Variants in ANKRD30BL observed in about 807,000 individuals in gnomAD.
ANKRD30BL encodes ankyrin repeat domain 30B like, also known as putative ankyrin repeat domain-containing protein 30B-like.
In ANKRD30BL, 20 loss-of-function variants were observed where a neutral mutation model predicts 18.4. The observed-to-expected ratio is 1.09, with a 90% CI of 0.77 to 1.58. The LOEUF (loss-of-function observed/expected upper bound fraction) is 1.58. ANKRD30BL is among the 40% of genes most tolerant of loss of function. The pLI is 0.00. For synonymous variants in ANKRD30BL, 72 were observed against 100.9 expected, an observed-to-expected ratio of 0.71 and a Z score of 1.72; for missense variants, 224 against 268.6, an observed-to-expected ratio of 0.83 and a Z score of 1.16.
At chr2:132,160,585 C>T (rs1688029056) in intron 1 of ANKRD30BL, among the ~76,000 whole-genome samples, 1 of 151,546 alleles carries the variant, frequency 6.6e-6, no homozygotes, top group Non-Finnish European at 1.5e-5. Flanking sequence ...ACTACAGGCG[C>T]CCACCACCAC....
intron 1 of ANKRD30BL, among the ~76,000 whole-genome samples, chr2:132,220,328 C>G (rs1679639872): frequency 2.2e-5 from 2 of 91,066 alleles, no homozygotes; most frequent in South Asian, 5.9e-4. Flanking sequence ...CTCTCCCTGT[C>G]CCTCTCCCTC....
At chr2:132,188,626 C>T (rs1404590230) in intron 1 of ANKRD30BL, among the ~76,000 whole-genome samples, 2 of 152,068 alleles carry the variant, frequency 1.3e-5, no homozygotes, top group Admixed American at 6.6e-5. Flanking sequence ...AGGAGAATGG[C>T]GTGAACCCGG....
At chr2:132,209,455 T>C (rs920569448) in intron 1 of ANKRD30BL, among the ~76,000 whole-genome samples, 6 of 147,678 alleles carry the variant, frequency 4.1e-5, no homozygotes, top group African/African-American at 7.5e-5. Context: ...ACTCTTTTTG[T>C]AGAATCTGCA....
chr2:132,223,192 T>C (rs1679743331), intron 1 of ANKRD30BL, among the ~76,000 whole-genome samples: 2 of 152,156 alleles, frequency 1.3e-5, no homozygotes, highest in Non-Finnish European at 2.9e-5. Flanking sequence ...ACCTTTCTTT[T>C]GATAGAGCAG....
intron 5 of ANKRD30BL, among the ~76,000 whole-genome samples, chr2:132,150,172 C>T (rs1478434115): frequency 6.6e-6 from 1 of 151,066 alleles, no homozygotes; most frequent in Non-Finnish European, 1.5e-5. Context: ...TAAATAAAGC[C>T]CAGAAGTTCA....
upstream of ANKRD30BL, among the ~76,000 whole-genome samples, chr2:132,163,787 G>A (rs1688135072): frequency 6.6e-6 from 1 of 152,232 alleles, no homozygotes. Flanking sequence ...CCAGCCCCAG[G>A]GCCCAACTCC....
chr2:132,224,624 T>C (rs1303260045), intron 1 of ANKRD30BL, among the ~76,000 whole-genome samples: 1 of 152,090 alleles, frequency 6.6e-6, no homozygotes, highest in African/African-American at 2.4e-5. Context: ...TTGTGGCCTA[T>C]GGTGGAAAAG....
At chr2:132,194,084 C>T (rs965710860) in intron 1 of ANKRD30BL, among the ~76,000 whole-genome samples, 1 of 152,104 alleles carries the variant, frequency 6.6e-6, no homozygotes, top group Non-Finnish European at 1.5e-5. Flanking sequence ...CTCACACACA[C>T]ACACACACTC....
At chr2:132,253,202 A>C (rs1323501627) in intron 1 of ANKRD30BL, 2 of 203,340 alleles carry the variant, frequency 9.8e-6, no homozygotes, top group Non-Finnish European at 2.1e-5. Flanking sequence ...CCGCAAGTGC[A>C]TTCGAAGAGT....
intron 1 of ANKRD30BL, among the ~76,000 whole-genome samples, chr2:132,201,959 G>A (rs1224747526): frequency 3.3e-5 from 5 of 152,324 alleles, no homozygotes; most frequent in Non-Finnish European, 5.9e-5. Context: ...ATACTATGCA[G>A]CCATAAAAAT....
chr2:132,253,860 T>A (rs112807725), intron 1 of ANKRD30BL, among the ~76,000 whole-genome samples: 3 of 150,788 alleles, frequency 2.0e-5, no homozygotes, highest in African/African-American at 7.3e-5. Flanking sequence ...GCGGGAAGGC[T>A]GGGGAGAGCA....
chr2:132,239,570 C>A (rs1024115419), intron 1 of ANKRD30BL, among the ~76,000 whole-genome samples: 1 of 151,278 alleles, frequency 6.6e-6, no homozygotes, highest in Non-Finnish European at 1.5e-5. Context: ...TTTTGATACA[C>A]CCTTTTTGTT....
At chr2:132,195,764 C>G (rs1216974925) in intron 1 of ANKRD30BL, among the ~76,000 whole-genome samples, 1 of 138,484 alleles carries the variant, frequency 7.2e-6, no homozygotes, top group Non-Finnish European at 1.5e-5. Flanking sequence ...GTACTCCAAC[C>G]TGGGCAACAG....
chr2:132,224,812 C>A (rs1679796780), intron 1 of ANKRD30BL, among the ~76,000 whole-genome samples: 1 of 151,950 alleles, frequency 6.6e-6, no homozygotes, highest in South Asian at 2.1e-4. Context: ...ATGGGAATAT[C>A]TTCACATAAT....
intron 1 of ANKRD30BL, among the ~76,000 whole-genome samples, chr2:132,238,215 A>G (rs573305300): frequency 3.3e-5 from 5 of 152,180 alleles, no homozygotes; most frequent in African/African-American, 1.2e-4. Context: ...CTATCGTTTG[A>G]TACAGCAGTT....
chr2:132,226,332 A>G (rs1679843562), intron 1 of ANKRD30BL, among the ~76,000 whole-genome samples: 1 of 150,490 alleles, frequency 6.6e-6, no homozygotes. Context: ...TTTGAGGCCT[A>G]TGGTGGAAAA....
intron 1 of ANKRD30BL, among the ~76,000 whole-genome samples, chr2:132,190,460 A>G (rs573432020): frequency 1.6e-4 from 25 of 151,582 alleles, no homozygotes; most frequent in Admixed American, 1.5e-3. Flanking sequence ...CAAATGAAAC[A>G]AAACTACTGA....
chr2:132,202,550 T>C (rs1679129109), intron 1 of ANKRD30BL, among the ~76,000 whole-genome samples: 1 of 151,900 alleles, frequency 6.6e-6, no homozygotes, highest in African/African-American at 2.4e-5. Flanking sequence ...TTTCACTTAC[T>C]TGAAAATTCT....
intron 1 of ANKRD30BL, among the ~76,000 whole-genome samples, chr2:132,250,547 G>A (rs553306889): frequency 1.8e-4 from 28 of 152,262 alleles, no homozygotes; most frequent in African/African-American, 5.8e-4. Context: ...TGGGGACCTC[G>A]GAGATGATCT....
Sources: gnomAD v4.1 joint callset for allele counts (sites outside exome capture counted in the v4.1 genomes callset) on GRCh38, gnomAD v4.1.1 for gene constraint, MANE v1.5 for transcripts, NCBI Gene and HGNC (gene_info 2026-07-23, HGNC 2026-07-21) for gene names.